LIPC: variants seen among roughly 807,000 people sequenced by gnomAD.
LIPC encodes lipase C, hepatic type, also known as hepatic triacylglycerol lipase.
In LIPC, 44 loss-of-function variants were observed where a neutral mutation model predicts 50.7. That is an observed-to-expected ratio of 0.87 (90% CI 0.68 to 1.11). The LOEUF (loss-of-function observed/expected upper bound fraction) is 1.11, where lower values mean the gene tolerates loss of function less well. Among genes scored for constraint, LIPC ranks in the 50% most tolerant of loss-of-function variants. LIPC has a pLI of 0.00. For missense variants in LIPC, 697 were observed against 648.2 expected (o/e 1.08, Z -0.82); for synonymous variants, 271 against 256.4 (o/e 1.06, Z -0.54).
intron 1 of LIPC, among the ~76,000 whole-genome samples, chr15:58,514,416 A>G (rs536475067): frequency 3.9e-5 from 6 of 152,362 alleles, no homozygotes; most frequent in African/African-American, 1.4e-4. Context: ...TTCAAATAGG[A>G]TTATGCACTA....
intron 1 of LIPC, among the ~76,000 whole-genome samples, chr15:58,507,715 T>G (rs1161542275): frequency 6.6e-6 from 1 of 152,172 alleles, no homozygotes; most frequent in African/African-American, 2.4e-5. Context: ...GCTTCCCCTT[T>G]GCCCTCTGAA....
At chr15:58,548,131 G>A (rs1362628462) in intron 5 of LIPC, among the ~76,000 whole-genome samples, 199 bp from the exon 6 acceptor site, 2 of 152,048 alleles carry the variant, frequency 1.3e-5, no homozygotes, top group Non-Finnish European at 2.9e-5. Flanking sequence ...GACACTACAT[G>A]ACTCAGAGGG....
At chr15:58,531,487 A>T (rs554344919) in intron 1 of LIPC, among the ~76,000 whole-genome samples, 1 of 152,312 alleles carries the variant, frequency 6.6e-6, no homozygotes, top group Admixed American at 6.5e-5. Flanking sequence ...GTGCAGTAGA[A>T]TTCAAGAGAA....
intron 1 of LIPC, among the ~76,000 whole-genome samples, chr15:58,512,301 G>A (rs1253580637): frequency 1.3e-5 from 2 of 152,076 alleles, no homozygotes; most frequent in African/African-American, 4.8e-5. Flanking sequence ...GTTTTACCAT[G>A]TTTGCCAGGC....
intron 1 of LIPC, among the ~76,000 whole-genome samples, chr15:58,510,474 G>A (rs983759563): frequency 6.6e-6 from 1 of 152,208 alleles, no homozygotes; most frequent in African/African-American, 2.4e-5. Flanking sequence ...CATCATTAGA[G>A]TAACCATCAT....
chr15:58,510,174 C>A (rs1892287469), intron 1 of LIPC, among the ~76,000 whole-genome samples: 1 of 152,148 alleles, frequency 6.6e-6, no homozygotes, highest in Non-Finnish European at 1.5e-5. Flanking sequence ...GGACACAGCT[C>A]CCTGGTATGG....
Position 58,569,530 on chromosome 15 carries a change from T to G in LIPC, c.*703T>G, listed in dbSNP as rs1165860353. On this transcript the variant is annotated 3_prime_UTR_variant, in exon 9 of 9. Transcript: ENST00000299022. ...AAAAACTTGGAATGTCTCAAAGCATTTGCTATGGACTGAATGTTTGAGTCA... is the reference window on the plus strand; with the variant it reads ...AAAAACTTGGAATGTCTCAAAGCATGTGCTATGGACTGAATGTTTGAGTCA... 6.6e-6 allele frequency: 1 copy of G among 152,220 alleles called. No individual in the cohort carries two copies. The highest frequency in any genetic ancestry group is 1.5e-5 in the Non-Finnish European group (1 of 68,044). The allele number at this position is 152,220 out of a possible 1,614,324, so 9.4% of individuals were successfully genotyped here.
chr15:58,522,082 C>T (rs1892675389), intron 1 of LIPC: 1 of 152,380 alleles, frequency 6.6e-6, no homozygotes, highest in African/African-American at 2.4e-5. Flanking sequence ...CCCCATTCAT[C>T]ATTCAGCAGA....
intron 1 of LIPC, among the ~76,000 whole-genome samples, chr15:58,531,955 C>G (rs1415058356): frequency 6.6e-6 from 1 of 152,176 alleles, no homozygotes; most frequent in Non-Finnish European, 1.5e-5. Context: ...ACCTCATTCA[C>G]TCCTTAGGAG....
intron 1 of LIPC, chr15:58,454,278 C>G (rs1189348892): frequency 6.6e-6 from 1 of 152,288 alleles, no homozygotes; most frequent in African/African-American, 2.4e-5. Flanking sequence ...CAAGGGATTT[C>G]CTTAGGGAAA....
chr15:58,450,186 C>T (rs1021797019), intron 1 of LIPC, among the ~76,000 whole-genome samples: 4 of 152,156 alleles, frequency 2.6e-5, no homozygotes, highest in African/African-American at 9.7e-5. Flanking sequence ...CGTTTCTGAG[C>T]GTGGTGTGGA....
At chr15:58,525,671 C>T (rs1372552480) in intron 1 of LIPC, among the ~76,000 whole-genome samples, 1 of 151,884 alleles carries the variant, frequency 6.6e-6, no homozygotes, top group Non-Finnish European at 1.5e-5. Context: ...CCTATGTCTT[C>T]CTGGAGGTTT....
chr15:58,527,145 C>T (rs376603994), intron 1 of LIPC, among the ~76,000 whole-genome samples: 12 of 152,188 alleles, frequency 7.9e-5, no homozygotes, highest in East Asian at 7.7e-4. Context: ...AGTGCACATG[C>T]CCAGAAAACT....
chr15:58,553,422 G>A (rs940410491), intron 6 of LIPC, among the ~76,000 whole-genome samples: 11 of 152,116 alleles, frequency 7.2e-5, no homozygotes, highest in South Asian at 2.1e-4. Context: ...AAAGCAAGAC[G>A]CCATCTCTAC....
intron 1 of LIPC, among the ~76,000 whole-genome samples, chr15:58,528,571 C>T (rs375730736): frequency 1.3e-5 from 2 of 152,136 alleles, no homozygotes; most frequent in African/African-American, 4.8e-5. Context: ...TGCAGTGGCA[C>T]AATCACTGCT....
At chr15:58,555,018 C>A (rs937551767) in intron 6 of LIPC, among the ~76,000 whole-genome samples, 1 of 152,154 alleles carries the variant, frequency 6.6e-6, no homozygotes, top group Non-Finnish European at 1.5e-5. Flanking sequence ...CACACCTTGG[C>A]ACGTTCCATC....
At position 58,514,104 on chromosome 15, in the gene LIPC, GC is replaced by G. The variant is rs1346320686; in HGVS notation, c.89-24224del. Among the ~76,000 whole-genome samples the G allele has an allele frequency of 7.9e-5, 12 of 152,298 alleles. 1 individual carries two copies. In the South Asian group the frequency reaches 2.5e-3, roughly 32 times the overall value. On this transcript the variant is annotated intron_variant, in intron 1 of 8. Transcript: ENST00000299022. ...TACAGTAATAAGCATCATCGTAAAA[GC>G]CCCCACTGGCATCAAGTTTATCATC...
intron 1 of LIPC, among the ~76,000 whole-genome samples, chr15:58,446,030 T>A (rs1335249381): frequency 6.6e-6 from 1 of 152,208 alleles, no homozygotes; most frequent in Non-Finnish European, 1.5e-5. Context: ...ATAGACTCAA[T>A]AACTGTTTGC....
chr15:58,474,877 C>A (rs1363831169), intron 1 of LIPC, among the ~76,000 whole-genome samples: 1 of 152,200 alleles, frequency 6.6e-6, no homozygotes, highest in Non-Finnish European at 1.5e-5. Flanking sequence ...AGCCTCCTGA[C>A]CTGCCCCATC....
Sources: allele counts gnomAD v4.1 joint callset (sites outside exome capture counted in the v4.1 genomes callset), GRCh38; gene constraint gnomAD v4.1.1; transcripts MANE v1.5; gene names NCBI Gene and HGNC (gene_info 2026-07-23, HGNC 2026-07-21).